AP3S1: variants seen among roughly 807,000 people sequenced by gnomAD.
AP3S1 encodes AP-3 complex subunit sigma-1.
Under a neutral mutation model 21.3 loss-of-function variants are expected in AP3S1, and 12 were observed. That is an observed-to-expected ratio of 0.56 (90% confidence interval 0.36 to 0.91). The LOEUF (loss-of-function observed/expected upper bound fraction) is 0.91. Ranked by LOEUF, AP3S1 falls within the 40% of genes least tolerant of loss-of-function variation. The pLI is 0.01. For synonymous variants in AP3S1, 48 were observed against 78.4 expected (o/e 0.61, Z 2.05); for missense variants, 116 against 225.0 (o/e 0.52, Z 3.10).
At chr5:115,848,448 A>T (rs925199588) in intron 1 of AP3S1, among the ~76,000 whole-genome samples, 8 of 152,374 alleles carry the variant, frequency 5.3e-5, no homozygotes, top group Non-Finnish European at 7.3e-5. Context: ...GTTAAAATTT[A>T]AAAAAGACAG....
intron 1 of AP3S1, among the ~76,000 whole-genome samples, chr5:115,853,442 A>G (rs1762586820): frequency 6.6e-6 from 1 of 152,060 alleles, no homozygotes; most frequent in Non-Finnish European, 1.5e-5. Context: ...TGCTGCTATC[A>G]CTTGTAGCAC....
chr5:115,852,143 C>G (rs1762481248), intron 1 of AP3S1, among the ~76,000 whole-genome samples: 2 of 152,060 alleles, frequency 1.3e-5, no homozygotes, highest in African/African-American at 4.8e-5. Context: ...AGAGATTGTT[C>G]TCAAATACTC....
Position 115,890,562 on chromosome 5 carries a change from G to C in AP3S1, c.274-4525G>C, listed in dbSNP as rs116460715. On this transcript the variant is annotated intron_variant, in intron 3 of 5. Coordinates refer to ENST00000316788, the MANE Select transcript of AP3S1 (RefSeq NM_001284.4). ...TGCTGGTAATGTTAAAACATGATTT[G>C]AGTGTTGATTATACAGAAAAATTTA... 6.3e-3 allele frequency among the ~76,000 whole-genome samples: 952 copies of C among 152,234 alleles called. 10 individuals are homozygous for C. The highest frequency in any genetic ancestry group is 0.022 in the African/African-American group (909 of 41,546).
chr5:115,898,510 AT>A (rs2112558060), intron 4 of AP3S1: 1 of 152,354 alleles, frequency 6.6e-6, no homozygotes, highest in East Asian at 1.9e-4. Context: ...GAAAAGATTT[AT>A]TACTCACATA....
At chr5:115,897,181 A>G (rs1750822362) in intron 4 of AP3S1, among the ~76,000 whole-genome samples, 1 of 152,246 alleles carries the variant, frequency 6.6e-6, no homozygotes, top group Non-Finnish European at 1.5e-5. Context: ...TTACATCTTT[A>G]AAACAAATAA....
At chr5:115,885,961 T>G (rs1045628060) in intron 3 of AP3S1, among the ~76,000 whole-genome samples, 3 of 152,206 alleles carry the variant, frequency 2.0e-5, no homozygotes, top group African/African-American at 7.2e-5. Context: ...AATTTTTGCT[T>G]TATACTTTTC....
chr5:115,888,155 G>A (rs1304052255), intron 3 of AP3S1, among the ~76,000 whole-genome samples: 1 of 151,992 alleles, frequency 6.6e-6, no homozygotes, highest in Non-Finnish European at 1.5e-5. Flanking sequence ...GTAGTAGTTA[G>A]ATACCTGTTA....
chr5:115,869,477 T>C (rs1404258651), intron 2 of AP3S1, among the ~76,000 whole-genome samples: 1 of 152,232 alleles, frequency 6.6e-6, no homozygotes, highest in Non-Finnish European at 1.5e-5. Flanking sequence ...TCTTATCTAC[T>C]GGCCTTTTTT....
In AP3S1 at chr5:115,911,194, T is replaced by A. The variant is rs115999740; in HGVS notation, c.454-2168T>A. ...AACAGGATGCATTTTTAAATTTTTT[T>A]AATTTATTTTTTGCTTTAGTTTAGC... On this transcript the variant is annotated intron_variant, in intron 5 of 5. Transcript: ENST00000316788. Among the ~76,000 whole-genome samples, 1,121 of 152,256 alleles carry A rather than the reference T, an allele frequency of 7.4e-3. 14 individuals carry two copies. Among genetic ancestry groups the A allele is most frequent in the African/African-American group, 0.026 (1,072 of 41,562 alleles).
chr5:115,900,731 G>T (rs1751140543), intron 4 of AP3S1, among the ~76,000 whole-genome samples: 1 of 152,160 alleles, frequency 6.6e-6, no homozygotes, highest in Non-Finnish European at 1.5e-5. Context: ...ATGACGATTT[G>T]GGCACTGTGT....
At chr5:115,842,152 C>G (rs1761623026) in intron 1 of AP3S1, 46 bp downstream of exon 1, 1 of 1,521,962 alleles carries the variant, frequency 6.6e-7, no homozygotes, top group Non-Finnish European at 8.8e-7. Context: ...GAGTCGTTGG[C>G]GACGGGCAGC....
intron 4 of AP3S1, among the ~76,000 whole-genome samples, chr5:115,898,073 T>C (rs1750910686): frequency 6.6e-6 from 1 of 152,248 alleles, no homozygotes; most frequent in South Asian, 2.1e-4. Flanking sequence ...TCACGCAGTA[T>C]GTTTATCATA....
At chr5:115,846,789 G>T (rs1580604860) in intron 1 of AP3S1, among the ~76,000 whole-genome samples, 1 of 151,990 alleles carries the variant, frequency 6.6e-6, no homozygotes, top group South Asian at 2.1e-4. Flanking sequence ...CTAACACACG[G>T]CATTTCAGCT....
At chr5:115,863,986 G>C (rs369985448) in intron 1 of AP3S1, among the ~76,000 whole-genome samples, 1 of 152,162 alleles carries the variant, frequency 6.6e-6, no homozygotes, top group East Asian at 1.9e-4. Flanking sequence ...TAATGCAGAC[G>C]AAAGTGCCTT....
chr5:115,884,905 G>A (rs1749648263), intron 3 of AP3S1, among the ~76,000 whole-genome samples: 1 of 152,122 alleles, frequency 6.6e-6, no homozygotes, highest in Non-Finnish European at 1.5e-5. Context: ...CTAACACACT[G>A]ATAGGAACAC....
chr5:115,861,490 T>C (rs1171257079), intron 1 of AP3S1, among the ~76,000 whole-genome samples: 1 of 152,234 alleles, frequency 6.6e-6, no homozygotes, highest in Non-Finnish European at 1.5e-5. Flanking sequence ...AATTTATTTC[T>C]AAGTTTTTTA....
At chr5:115,842,331 C>T (rs1486140521) in intron 1 of AP3S1, among the ~76,000 whole-genome samples, 1 of 152,182 alleles carries the variant, frequency 6.6e-6, no homozygotes, top group Non-Finnish European at 1.5e-5. Context: ...GCGGTTCCTC[C>T]GCCCGTCGGT....
chr5:115,858,130 C>T (rs1205581187), intron 1 of AP3S1, among the ~76,000 whole-genome samples: 1 of 152,134 alleles, frequency 6.6e-6, no homozygotes, highest in Non-Finnish European at 1.5e-5. Context: ...TTGCTTGTTT[C>T]CTGTGTTGGA....
At chr5:115,869,874 G>A in intron 2 of AP3S1, 143 bp from the exon 3 acceptor site, 1 of 499,084 alleles carries the variant, frequency 2.0e-6, no homozygotes, top group Non-Finnish European at 3.5e-6. Flanking sequence ...CCTAGTCTCT[G>A]AATAAGTTCA....
Sources: gnomAD v4.1 joint callset for allele counts (sites outside exome capture counted in the v4.1 genomes callset) on GRCh38, gnomAD v4.1.1 for gene constraint, MANE v1.5 for transcripts, NCBI Gene and HGNC (gene_info 2026-07-23, HGNC 2026-07-21) for gene names.